Variants in SEC14L1 observed in about 807,000 individuals in gnomAD.
The protein encoded by SEC14L1 is SEC14-like protein 1.
A neutral mutation model predicts 85.3 loss-of-function variants in SEC14L1; 48 were observed. That is an observed-to-expected ratio of 0.56 (90% CI 0.45 to 0.72). The LOEUF is 0.72. Among genes scored for constraint, SEC14L1 ranks in the 30% least tolerant of loss-of-function variants. The pLI is 0.00. For missense variants in SEC14L1, 682 were observed against 921.4 expected, an observed-to-expected ratio of 0.74 and a Z score of 3.36; for synonymous variants, 391 against 355.5, an observed-to-expected ratio of 1.10 and a Z score of -1.12.
chr17:77,111,191 G>GAAAAAAAAAAAAAAAAAAA (rs57425211), intron 3 of SEC14L1, among the ~76,000 whole-genome samples: 1 of 101,116 alleles, frequency 9.9e-6, no homozygotes, highest in Non-Finnish European at 2.0e-5. Flanking sequence ...GTCTCAAAAA[G>GAAAAAAAAAAAAAAAAAAA]AAAAAAAAAA....
chr17:77,123,557 A>G (rs1294983380), intron 3 of SEC14L1, among the ~76,000 whole-genome samples: 1 of 151,448 alleles, frequency 6.6e-6, no homozygotes, highest in Non-Finnish European at 1.5e-5. Context: ...GACCACAGGC[A>G]CACATCACCA....
intron 3 of SEC14L1, among the ~76,000 whole-genome samples, chr17:77,146,864 A>G (rs1050236010): frequency 6.6e-6 from 1 of 152,086 alleles, no homozygotes; most frequent in Non-Finnish European, 1.5e-5. Flanking sequence ...CCCATTTCTT[A>G]CTGTAGTTTT....
intron 3 of SEC14L1, among the ~76,000 whole-genome samples, chr17:77,132,311 C>A (rs1380796750): frequency 6.6e-6 from 1 of 150,404 alleles, no homozygotes; most frequent in East Asian, 2.0e-4. Flanking sequence ...CACCCTCCAA[C>A]TCCTGGGTTC....
At chr17:77,108,999 T>C (rs534435513) in intron 3 of SEC14L1, among the ~76,000 whole-genome samples, 13 of 152,048 alleles carry the variant, frequency 8.5e-5, no homozygotes, top group Admixed American at 2.6e-4. Context: ...TTTTTGTATT[T>C]TTAGTAGAGA....
chr17:77,206,886 C>A lies in SEC14L1; in HGVS notation c.1476+24C>A. The A allele has an allele frequency of 6.7e-7, 1 of 1,501,662 alleles. No individual in the cohort carries two copies. The highest frequency in any genetic ancestry group is 8.9e-7 in the Non-Finnish European group (1 of 1,124,244). 93.0% of individuals were successfully genotyped at this position (1,501,662 alleles called of 1,614,324 possible). A position where few individuals can be genotyped will look rare whatever the true frequency, so the allele number is the denominator to read the frequency against. On this transcript the variant is annotated intron_variant, in intron 13 of 16. Transcript: ENST00000436233. The surrounding 1 kb of genome is among the most constrained non-coding windows in gnomAD (Gnocchi z 4.3). Reference sequence around the variant, plus strand: ...TGGTATGTCCTGAGGCGAGGAACTGCACATTTGGCCCCTTATGCAGGTGGG... The same window carrying A: ...TGGTATGTCCTGAGGCGAGGAACTGAACATTTGGCCCCTTATGCAGGTGGG...
At chr17:77,105,090 C>A (rs544517134) in intron 3 of SEC14L1, among the ~76,000 whole-genome samples, 1 of 152,034 alleles carries the variant, frequency 6.6e-6, no homozygotes, top group Non-Finnish European at 1.5e-5. Flanking sequence ...TTCTGATGAG[C>A]CTTTCCAAAG....
intron 5 of SEC14L1, among the ~76,000 whole-genome samples, chr17:77,192,254 T>C (rs891773069): frequency 2.0e-5 from 3 of 152,230 alleles, no homozygotes; most frequent in African/African-American, 7.2e-5. Flanking sequence ...AGAACTTCTT[T>C]TATCAGATTT....
At chr17:77,127,302 C>T (rs1972478263) in intron 3 of SEC14L1, among the ~76,000 whole-genome samples, 1 of 152,144 alleles carries the variant, frequency 6.6e-6, no homozygotes, top group Non-Finnish European at 1.5e-5. Context: ...CATGTCCCTG[C>T]AAAGGACATG....
In SEC14L1 at chr17:77,215,732, G is replaced by A; in HGVS notation, c.*1709G>A. The A allele has an allele frequency of 2.0e-6, 2 of 989,152 alleles. No homozygotes were observed. The highest frequency in any genetic ancestry group is 1.2e-6 in the Non-Finnish European group (1 of 831,734). 61.3% of individuals were successfully genotyped at this position (989,152 alleles called of 1,614,324 possible). ...AAAGCGCGGTAGGGTTCGTAGGTAG[G>A]GCTAGTAGGTAGGGTTAGTAGGTAG... On this transcript the variant is annotated 3_prime_UTR_variant, in exon 17 of 17. Transcript: ENST00000436233.
At chr17:77,197,813 C>T (rs1000595528) in intron 8 of SEC14L1, among the ~76,000 whole-genome samples, 4 of 152,144 alleles carry the variant, frequency 2.6e-5, no homozygotes, top group Non-Finnish European at 5.9e-5. Flanking sequence ...ACCATGTTGG[C>T]CAGGCTGGTC....
At chr17:77,153,296 A>C (rs956894259) in intron 3 of SEC14L1, among the ~76,000 whole-genome samples, 28 of 152,146 alleles carry the variant, frequency 1.8e-4, no homozygotes, top group African/African-American at 6.8e-4. Context: ...CAAACTCCTG[A>C]CCTCAAGTGA....
At chr17:77,184,086 T>C (rs1975162466) in intron 3 of SEC14L1, among the ~76,000 whole-genome samples, 1 of 152,138 alleles carries the variant, frequency 6.6e-6, no homozygotes, top group Non-Finnish European at 1.5e-5. Flanking sequence ...ATGCCCGGCC[T>C]TATTTCCCCA....
intron 3 of SEC14L1, among the ~76,000 whole-genome samples, chr17:77,128,418 T>A (rs1410057097): frequency 3.5e-5 from 2 of 57,742 alleles, no homozygotes; most frequent in Non-Finnish European, 8.2e-5. Context: ...TTATTTTATT[T>A]TATTTTATTT....
At chr17:77,178,161 GCTGTATTTAGTAGCAGCTT>G (rs960275710) in intron 3 of SEC14L1, among the ~76,000 whole-genome samples, 27 of 149,696 alleles carry the variant, frequency 1.8e-4, no homozygotes, top group African/African-American at 5.9e-4. Context: ...AGCGGATGGA[GCTGTATTTAGTAGCAGCTT>G]CTCTTGCTCT....
chr17:77,130,835 G>A (rs1972590796), intron 3 of SEC14L1, among the ~76,000 whole-genome samples: 1 of 152,086 alleles, frequency 6.6e-6, no homozygotes, highest in Non-Finnish European at 1.5e-5. Context: ...TGAATTCCTG[G>A]GCTCAAGGGA....
In SEC14L1 at chr17:77,212,092, C is replaced by T. The variant is rs995835667; in HGVS notation, c.1754C>T (p.Thr585Ile). Residue 585 changes from threonine (T) to isoleucine (I), a missense_variant, in exon 15 of 17, where the codon ACC (threonine) becomes ATC (isoleucine). Coordinates refer to ENST00000436233, the MANE Select transcript of SEC14L1 (RefSeq NM_001143998.2). ...KKDSLGAHSI[T>I]SPGGNNVQLI... ...GACTCCCTGGGAGCCCACAGCATCA[C>T]CTCTCCGGGTGGGAACAATGTGCAG... 4 of 1,614,084 alleles carry T rather than the reference C, an allele frequency of 2.5e-6. No individual in the cohort carries two copies. Among genetic ancestry groups the T allele is most frequent in the Admixed American group, 1.7e-5 (1 of 60,012 alleles).
At chr17:77,111,317 G>C (rs1972040362) in intron 3 of SEC14L1, among the ~76,000 whole-genome samples, 1 of 151,894 alleles carries the variant, frequency 6.6e-6, no homozygotes, top group Non-Finnish European at 1.5e-5. Context: ...GGCTGAGTTT[G>C]TCTAAAGACG....
chr17:77,125,403 GC>G (rs1972419608), intron 3 of SEC14L1, among the ~76,000 whole-genome samples: 4 of 150,520 alleles, frequency 2.7e-5, no homozygotes. Context: ...TAAAATTTTA[GC>G]TTAGTCCTTA....
chr17:77,129,770 C>T (rs1184931888), intron 3 of SEC14L1, among the ~76,000 whole-genome samples: 1 of 152,086 alleles, frequency 6.6e-6, no homozygotes, highest in Non-Finnish European at 1.5e-5. Context: ...TATTCTTCAC[C>T]CAGTCGCGCC....
Sources: allele counts gnomAD v4.1 joint callset (sites outside exome capture counted in the v4.1 genomes callset), GRCh38; gene constraint gnomAD v4.1.1; non-coding constraint Gnocchi (gnomAD v3.1); transcripts MANE v1.5; gene names NCBI Gene and HGNC (gene_info 2026-07-23, HGNC 2026-07-21).